TNFRSF19: variants seen among roughly 807,000 people sequenced by gnomAD.
The protein encoded by TNFRSF19 is tumor necrosis factor receptor superfamily member 19.
A neutral mutation model predicts 46.4 loss-of-function variants in TNFRSF19; 27 were observed. That is an observed-to-expected ratio of 0.58 (90% CI 0.43 to 0.80). The LOEUF (loss-of-function observed/expected upper bound fraction) is 0.80. Ranked by LOEUF, TNFRSF19 falls within the 30% of genes least tolerant of loss-of-function variation. The pLI is 0.00. For missense variants in TNFRSF19, 511 were observed against 530.8 expected, an observed-to-expected ratio of 0.96 and a Z score of 0.37; for synonymous variants, 204 against 205.0, an observed-to-expected ratio of 1.00 and a Z score of 0.04.
At chr13:23,614,001 C>G (rs1429565235) in intron 3 of TNFRSF19, among the ~76,000 whole-genome samples, 1 of 152,204 alleles carries the variant, frequency 6.6e-6, no homozygotes, top group African/African-American at 2.4e-5. Context: ...CCCCGTAATT[C>G]TAATCTTCCC....
chr13:23,588,366 G>A (rs537048135), intron 1 of TNFRSF19, among the ~76,000 whole-genome samples: 15 of 152,308 alleles, frequency 9.8e-5, no homozygotes, highest in Non-Finnish European at 7.3e-5. Context: ...GCCCCTGTGA[G>A]ATGGGTTCTA....
intron 3 of TNFRSF19, among the ~76,000 whole-genome samples, chr13:23,598,918 A>G (rs1017498311): frequency 2.0e-5 from 3 of 152,212 alleles, no homozygotes; most frequent in African/African-American, 7.2e-5. Context: ...CTTTTCCCCT[A>G]CAGACTGCCA....
intron 4 of TNFRSF19, among the ~76,000 whole-genome samples, chr13:23,621,570 G>C (rs117446166): frequency 6.6e-6 from 1 of 152,338 alleles, no homozygotes; most frequent in Non-Finnish European, 1.5e-5. Context: ...TCTCCTTGCA[G>C]AAATGCACTC....
chr13:23,591,233 A>G (rs2138182290), intron 2 of TNFRSF19, among the ~76,000 whole-genome samples: 1 of 152,298 alleles, frequency 6.6e-6, no homozygotes, highest in East Asian at 1.9e-4. Context: ...CAGGTGGATC[A>G]TTTGAGGTGA....
rs1163107476 is a variant in TNFRSF19 at position 23,594,357 on chromosome 13, G to A, written c.180+902G>A. 6.9e-6 allele frequency: 3 copies of A among 436,122 alleles called. No homozygotes were observed. The Admixed American group carries it at 7.4e-5, about 11-fold the overall frequency. The allele number at this position is 436,122 out of a possible 1,614,324, so 27.0% of individuals were successfully genotyped here. A position where few individuals can be genotyped will look rare whatever the true frequency, so the allele number is the denominator to read the frequency against. ...CCAGCAAGCTAAGATCCACTGGCTT[G>A]AAATTCTCACTGCCAGCACAGCAGT... is the stretch of plus-strand genomic sequence containing the variant. On this transcript the variant is annotated intron_variant, in intron 3 of 9. Coordinates refer to ENST00000248484, the MANE Select transcript of TNFRSF19 (RefSeq NM_148957.4).
intron 4 of TNFRSF19, among the ~76,000 whole-genome samples, chr13:23,625,429 C>T (rs999853860): frequency 1.9e-4 from 29 of 148,914 alleles, no homozygotes; most frequent in Admixed American, 8.1e-4. Flanking sequence ...CCCGGGTTCA[C>T]GCCATTCTCC....
At position 23,660,457 on chromosome 13, in the gene TNFRSF19, T is replaced by C. The variant is rs1322538642; in HGVS notation, c.703T>C (p.Cys235Arg). 1.9e-6 allele frequency: 3 copies of C among 1,613,492 alleles called. No homozygotes were observed. Among genetic ancestry groups the C allele is most frequent in the African/African-American group, 2.7e-5 (2 of 74,902 alleles). Residue 235 changes from cysteine (C) to arginine (R), a missense_variant, in exon 7 of 10, where the codon TGC becomes CGC. By Grantham distance (180) the Cys-to-Arg change is radical (BLOSUM62 -3). Coordinates refer to ENST00000248484, the MANE Select transcript of TNFRSF19 (RefSeq NM_148957.4). ...QLHEYAHRAC[C>R]QCRRDSVQTC... ...CCACGAATATGCCCACAGAGCCTGC[T>C]GCCAGTGCCGCCGTGACTCAGTGCA...
chr13:23,669,402 A>G, intron 9 of TNFRSF19: 1 of 1,118,846 alleles, frequency 8.9e-7, no homozygotes, highest in Non-Finnish European at 1.1e-6. Flanking sequence ...GTATGGGAGC[A>G]TCTTGCAGAC....
At chr13:23,663,149 G>C (rs1884479822) in intron 7 of TNFRSF19, among the ~76,000 whole-genome samples, 1 of 152,074 alleles carries the variant, frequency 6.6e-6, no homozygotes, top group South Asian at 2.1e-4. Flanking sequence ...TGTTGGCTGT[G>C]GGTTTGTCAT....
At chr13:23,583,442 C>T (rs1024139519) in intron 1 of TNFRSF19, among the ~76,000 whole-genome samples, 1 of 152,112 alleles carries the variant, frequency 6.6e-6, no homozygotes, top group African/African-American at 2.4e-5. Context: ...AAAATGTTTA[C>T]ATTTAAAAGT....
intron 1 of TNFRSF19, among the ~76,000 whole-genome samples, chr13:23,572,661 T>C (rs1877704979): frequency 6.6e-6 from 1 of 152,200 alleles, no homozygotes; most frequent in Non-Finnish European, 1.5e-5. Context: ...ACTTCAGTGT[T>C]TGAATTAATT....
At chr13:23,617,471 A>C (rs12585093) in intron 4 of TNFRSF19, among the ~76,000 whole-genome samples, 2 of 152,122 alleles carry the variant, frequency 1.3e-5, no homozygotes, top group African/African-American at 4.8e-5. Context: ...CAGGGTGACA[A>C]GGGGGGTGAT....
intron 4 of TNFRSF19, among the ~76,000 whole-genome samples, chr13:23,617,033 A>G (rs1881345575): frequency 6.6e-6 from 1 of 152,118 alleles, no homozygotes; most frequent in Non-Finnish European, 1.5e-5. Flanking sequence ...GACAGCGTAA[A>G]TTGGGTTGTC....
Position 23,659,166 on chromosome 13 carries a change from C to T in TNFRSF19, c.562C>T (p.Leu188Phe). The T allele has an allele frequency of 6.2e-7, 1 of 1,614,178 alleles. No individual in the cohort carries two copies. Among genetic ancestry groups the T allele is most frequent in the Non-Finnish European group, 8.5e-7 (1 of 1,180,028 alleles). Residue 188 changes from leucine to phenylalanine, a missense_variant, in exon 6 of 10, where the codon CTC becomes TTC. Transcript: ENST00000248484. The surrounding 1 kb of genome is among the most constrained non-coding windows in gnomAD (Gnocchi z 4.9). ...CACCGTCCTGCTGGCCCTGCTCATCCTCTGTGTCATCTATTGTAAGAGACA... is the reference window on the plus strand; with the variant it reads ...CACCGTCCTGCTGGCCCTGCTCATCTTCTGTGTCATCTATTGTAAGAGACA... ...LATVLLALLI[L>F]CVIYCKRQFM...
chr13:23,629,972 T>G (rs1450861447), intron 5 of TNFRSF19, among the ~76,000 whole-genome samples: 1 of 152,060 alleles, frequency 6.6e-6, no homozygotes, highest in Non-Finnish European at 1.5e-5. Flanking sequence ...CACTGAAGGG[T>G]ACCGGAAAGT....
chr13:23,635,201 T>A (rs1215497361), intron 5 of TNFRSF19, among the ~76,000 whole-genome samples: 1 of 152,108 alleles, frequency 6.6e-6, no homozygotes, highest in East Asian at 1.9e-4. Context: ...TAAAATAATT[T>A]ATAAATTAAG....
chr13:23,614,746 C>CATATAT lies in TNFRSF19; in HGVS notation c.181-1103_181-1098dup, dbSNP rs59117822. On this transcript the variant is annotated intron_variant, in intron 3 of 9. Coordinates refer to ENST00000248484, the MANE Select transcript of TNFRSF19 (RefSeq NM_148957.4). ...AGCCGCTTCCTGTGGATAAGTAATA[C>CATATAT]ATATATATATATATATATATATAGT... 6.4e-3 allele frequency among the ~76,000 whole-genome samples: 861 copies of CATATAT among 134,884 alleles called. 14 individuals are homozygous for CATATAT. The highest frequency in any genetic ancestry group is 0.022 in the African/African-American group (782 of 35,576). The allele number at this position is 134,884 out of a possible 152,430, so 88.5% of individuals were successfully genotyped here.
chr13:23,614,753 A>ATG (rs1209451740), intron 3 of TNFRSF19, among the ~76,000 whole-genome samples: 1 of 91,176 alleles, frequency 1.1e-5, no homozygotes, highest in East Asian at 4.0e-4. Flanking sequence ...ATACATATAT[A>ATG]TATATATATA....
At chr13:23,671,947 G>A (rs1359995527) in intron 9 of TNFRSF19, among the ~76,000 whole-genome samples, 1 of 152,208 alleles carries the variant, frequency 6.6e-6, no homozygotes, top group Non-Finnish European at 1.5e-5. Context: ...CCATTCCACA[G>A]GTTTGTGTTC....
Sources: gnomAD v4.1 joint callset for allele counts (sites outside exome capture counted in the v4.1 genomes callset) on GRCh38, gnomAD v4.1.1 for gene constraint, Gnocchi (gnomAD v3.1) non-coding constraint, MANE v1.5 for transcripts, NCBI Gene and HGNC (gene_info 2026-07-23, HGNC 2026-07-21) for gene names.